Variants in USP54 observed in about 807,000 individuals in gnomAD.
USP54 encodes the protein ubiquitin specific peptidase 54.
USP54 carries 87 observed loss-of-function variants against 170.5 expected under a neutral mutation model. That is an observed-to-expected ratio of 0.51 (90% confidence interval 0.43 to 0.61). USP54 has a LOEUF of 0.61. USP54 is among the 20% of genes least tolerant of loss of function. The pLI is 0.00. For synonymous variants in USP54, 655 were observed against 742.8 expected (o/e 0.88, Z 1.92); for missense variants, 1,786 against 2,047.8 (o/e 0.87, Z 2.47).
At chr10:73,599,956 C>A (rs1273847867) in intron 1 of USP54, among the ~76,000 whole-genome samples, 17 of 143,092 alleles carry the variant, frequency 1.2e-4, no homozygotes, top group Non-Finnish European at 1.6e-4. Flanking sequence ...GGCTGGAGTG[C>A]AATGGCGTGA....
chr10:73,547,982 T>C (rs2068245935), intron 4 of USP54, among the ~76,000 whole-genome samples: 1 of 151,864 alleles, frequency 6.6e-6, no homozygotes, highest in Non-Finnish European at 1.5e-5. Context: ...AATCTATCCA[T>C]GTGACAAAGG....
Position 73,504,933 on chromosome 10 carries a change from C to T in USP54, c.4228G>A (p.Glu1410Lys). 6.2e-7 allele frequency: 1 copy of T among 1,614,156 alleles called. No individual in the cohort carries two copies. The highest frequency in any genetic ancestry group is 8.5e-7 in the Non-Finnish European group (1 of 1,180,026). The change falls in exon 22 of 24, where the codon GAG (glutamate) becomes AAG (lysine). Residue 1410 changes from glutamate (E) to lysine (K), a missense_variant. By Grantham distance (56) the Glu-to-Lys change is moderately conservative. Transcript: ENST00000687698. ...CTGCGTGAGATGCGACGTAAATTCT[C>T]TGCACTGTACTGCTCATCCTCCCCA... ...ECGEDEQYSA[E>K]NLRRISRSLS...
chr10:73,513,781 T>G (rs936937294), intron 20 of USP54, among the ~76,000 whole-genome samples: 13 of 152,150 alleles, frequency 8.5e-5, no homozygotes, highest in Middle Eastern at 3.2e-3. Context: ...CTACCTGCAA[T>G]GAAAAATGTT....
intron 4 of USP54, among the ~76,000 whole-genome samples, chr10:73,556,236 TTC>T (rs1489071480): frequency 6.6e-6 from 1 of 152,176 alleles, no homozygotes. Flanking sequence ...GAGTTTTCTC[TTC>T]TCTGATAGTG....
At position 73,543,080 on chromosome 10, in the gene USP54, C is replaced by T. The variant is rs774886535; in HGVS notation, c.427G>A (p.Asp143Asn). 2.5e-6 allele frequency: 4 copies of T among 1,614,120 alleles called. No homozygotes were observed. In the Admixed American group the frequency reaches 6.7e-5, roughly 27 times the overall value. ...HFHIADETKE[D>N]ICTAQHCISH... ...ATGCAGTGTTGGGCAGTACATATATCCTCTTTGGTTTCATCAGCAATGTGG... is the reference window on the plus strand; with the variant it reads ...ATGCAGTGTTGGGCAGTACATATATTCTCTTTGGTTTCATCAGCAATGTGG... The change falls in exon 6 of 24, where the codon GAT becomes AAT. Residue 143 changes from aspartate (D) to asparagine (N), a missense_variant. Physicochemically the swap from Asp to Asn is conservative, Grantham distance 23 (BLOSUM62 1). Transcript: ENST00000687698.
At chr10:73,603,763 A>G (rs973162870) in intron 1 of USP54, among the ~76,000 whole-genome samples, 1 of 137,158 alleles carries the variant, frequency 7.3e-6, no homozygotes, top group Non-Finnish European at 1.6e-5. Flanking sequence ...CAAAAACAAC[A>G]AAAAAAAAAA....
chr10:73,622,407 T>A (rs900009845), intron 1 of USP54, among the ~76,000 whole-genome samples: 2 of 152,066 alleles, frequency 1.3e-5, no homozygotes, highest in Non-Finnish European at 2.9e-5. Context: ...CACTGTAACC[T>A]CCGCTTCCTG....
chr10:73,529,513 C>T, intron 15 of USP54, 167 bp downstream of exon 15: 1 of 756,200 alleles, frequency 1.3e-6, no homozygotes, highest in Non-Finnish European at 2.3e-6. Context: ...TCTCAAGTGC[C>T]TCTGTTCTTC....
chr10:73,542,605 C>T (rs1456636500), intron 7 of USP54, among the ~76,000 whole-genome samples, 198 bp downstream of exon 7: 1 of 151,996 alleles, frequency 6.6e-6, no homozygotes, highest in Non-Finnish European at 1.5e-5. Flanking sequence ...TTGTAAGTAG[C>T]TGGAAGTCTC....
intron 16 of USP54, among the ~76,000 whole-genome samples, chr10:73,525,996 C>T (rs1326323511): frequency 6.6e-6 from 1 of 152,122 alleles, no homozygotes; most frequent in African/African-American, 2.4e-5. Flanking sequence ...TAATACTAAA[C>T]AATAAGAAAT....
intron 4 of USP54, among the ~76,000 whole-genome samples, chr10:73,570,709 T>G (rs982638516): frequency 1.3e-5 from 2 of 152,136 alleles, no homozygotes; most frequent in Non-Finnish European, 2.9e-5. Context: ...CCTCACCCGT[T>G]GTACTGGCAT....
At chr10:73,624,390 G>C (rs970147083) in intron 1 of USP54, 3 of 93,996 alleles carry the variant, frequency 3.2e-5, no homozygotes, top group Non-Finnish European at 6.2e-5. Flanking sequence ...AGTAGAGACG[G>C]GGGGGGGGGG....
At chr10:73,573,044 G>A (rs1232783509) in intron 3 of USP54, among the ~76,000 whole-genome samples, 1 of 152,124 alleles carries the variant, frequency 6.6e-6, no homozygotes, top group Non-Finnish European at 1.5e-5. Flanking sequence ...AGCACTTTGG[G>A]AGGACAACGC....
intron 9 of USP54, among the ~76,000 whole-genome samples, chr10:73,539,817 A>C (rs564932404): frequency 2.0e-5 from 3 of 152,322 alleles, no homozygotes; most frequent in South Asian, 2.1e-4. Flanking sequence ...AGAACAACCT[A>C]GACTAGATAG....
rs1292956233 is a variant in USP54, at chr10:73,575,808, T to A, written c.-28A>T. 1 of 956,066 alleles carries A rather than the reference T, an allele frequency of 1.0e-6. No individual in the cohort carries two copies. The highest frequency in any genetic ancestry group is 1.5e-6 in the Non-Finnish European group (1 of 666,690). 59.2% of individuals were successfully genotyped at this position (956,066 alleles called of 1,614,324 possible). A position where few individuals can be genotyped will look rare whatever the true frequency, so the allele number is the denominator to read the frequency against. ...TTTTGACTTTACCACCTTCCAAATA[T>A]CATCTGTGTAGTCAAGGGACTCAGG... On this transcript the variant is annotated 5_prime_UTR_variant, in exon 2 of 24. Transcript: ENST00000687698.
intron 1 of USP54, among the ~76,000 whole-genome samples, chr10:73,604,658 T>A (rs577324083): frequency 3.0e-4 from 45 of 151,062 alleles, no homozygotes; most frequent in Admixed American, 7.3e-4. Context: ...TGGTGCAATC[T>A]TGGCTCACTG....
chr10:73,523,856 A>G (rs1426636630), intron 16 of USP54, 106 bp from the exon 17 acceptor site: 2 of 664,632 alleles, frequency 3.0e-6, no homozygotes, highest in African/African-American at 3.7e-5. Flanking sequence ...TCTTGCTTTC[A>G]ATTTGGAGTT....
chr10:73,517,733 G>C lies in USP54; in HGVS notation c.2693C>G (p.Pro898Arg). 6.2e-7 allele frequency: 1 copy of C among 1,611,840 alleles called. No homozygotes were observed. Among genetic ancestry groups the C allele is most frequent in the Non-Finnish European group, 8.5e-7 (1 of 1,178,840 alleles). The change falls in exon 20 of 24, where the codon CCG (proline) becomes CGG (arginine). Residue 898 changes from proline to arginine, a missense_variant. Around this residue, in one of 3 missense-constraint regions of USP54, gnomAD observed 1,418 missense variants for 1,569.0 expected, o/e 0.90. Coordinates refer to ENST00000687698, the MANE Select transcript of USP54 (RefSeq NM_001391956.1). ...LSQPTSEQPI[P>R]LQVLLSQEAQ... ...CTCTTGGCTTAACAATACTTGGAGC[G>C]GGATAGGCTGTTCACTGAAACAAAT...
In USP54 at chr10:73,548,594, C is replaced by G. The variant is rs570352106; in HGVS notation, c.241-2922G>C. On this transcript the variant is annotated intron_variant, in intron 4 of 23. Transcript: ENST00000687698. ...GTCCTTTGCAGGGACATGGATGAAGCTGGAAGCCATCATTCTCAGCAAACT... is the reference window on the plus strand; with the variant it reads ...GTCCTTTGCAGGGACATGGATGAAGGTGGAAGCCATCATTCTCAGCAAACT... Among the ~76,000 whole-genome samples the G allele has an allele frequency of 2.0e-3, 302 of 152,176 alleles. 1 individual carries two copies. The highest frequency in any genetic ancestry group is 3.6e-3 in the Non-Finnish European group (242 of 68,016).
Sources: allele counts gnomAD v4.1 joint callset (sites outside exome capture counted in the v4.1 genomes callset), GRCh38; gene constraint gnomAD v4.1.1; regional missense constraint gnomAD v4.1.1; transcripts MANE v1.5; gene names NCBI Gene and HGNC (gene_info 2026-07-23, HGNC 2026-07-21).